The following CBLB variants were observed in gnomAD, a reference collection of about 807,000 sequenced individuals.
CBLB encodes Cbl proto-oncogene B, also known as E3 ubiquitin-protein ligase CBL-B.
CBLB carries 31 observed loss-of-function variants against 104.9 expected under a neutral mutation model. The observed-to-expected ratio is 0.30, with a 90% CI of 0.22 to 0.40. The LOEUF (loss-of-function observed/expected upper bound fraction) is 0.40, where lower values mean the gene tolerates loss of function less well. CBLB is among the 10% of genes least tolerant of loss of function. The pLI is 1.00. For missense variants in CBLB, 1,062 were observed against 1,214.6 expected, an observed-to-expected ratio of 0.87 and a Z score of 1.87; for synonymous variants, 440 against 422.6, an observed-to-expected ratio of 1.04 and a Z score of -0.51.
intron 3 of CBLB, among the ~76,000 whole-genome samples, chr3:105,814,508 C>A (rs72997629): frequency 6.6e-6 from 1 of 151,952 alleles, no homozygotes; most frequent in African/African-American, 2.4e-5. Flanking sequence ...AGGAAAATAG[C>A]GTACATGTAC....
At chr3:105,661,658 A>G (rs968999746) in intron 18 of CBLB, among the ~76,000 whole-genome samples, 11 of 152,212 alleles carry the variant, frequency 7.2e-5, no homozygotes, top group Non-Finnish European at 1.3e-4. Flanking sequence ...AGCTGTGTAT[A>G]CAAGTGGGAT....
chr3:105,708,503 T>C (rs1211862641), intron 10 of CBLB, among the ~76,000 whole-genome samples: 1 of 152,140 alleles, frequency 6.6e-6, no homozygotes, highest in Non-Finnish European at 1.5e-5. Flanking sequence ...ATTTCAAGTA[T>C]GACTATCTAA....
At chr3:105,733,984 A>T in intron 9 of CBLB, 25 bp downstream of exon 9, 1 of 1,608,684 alleles carries the variant, frequency 6.2e-7, no homozygotes. Context: ...TATAAGAAAG[A>T]CATCCATGTT....
intron 9 of CBLB, among the ~76,000 whole-genome samples, chr3:105,722,111 C>T (rs1363547237): frequency 6.9e-5 from 10 of 144,558 alleles, no homozygotes; most frequent in Non-Finnish European, 1.5e-4. Flanking sequence ...GAGCTGGGGG[C>T]TTCGCTTGAG....
At chr3:105,851,481 G>A (rs992590594) in intron 3 of CBLB, among the ~76,000 whole-genome samples, 1 of 152,152 alleles carries the variant, frequency 6.6e-6, no homozygotes, top group Non-Finnish European at 1.5e-5. Context: ...CATTTATGGA[G>A]CATAGAACAG....
At chr3:105,726,709 C>G (rs1000288519) in intron 9 of CBLB, among the ~76,000 whole-genome samples, 5 of 152,136 alleles carry the variant, frequency 3.3e-5, no homozygotes, top group African/African-American at 1.2e-4. Context: ...CCCTTGCCCC[C>G]CAGCCGCTGA....
intron 11 of CBLB, among the ~76,000 whole-genome samples, chr3:105,703,115 T>C (rs995688874): frequency 6.6e-6 from 1 of 152,202 alleles, no homozygotes; most frequent in African/African-American, 2.4e-5. Flanking sequence ...TATAGATCAA[T>C]GAATTGAATG....
chr3:105,819,199 T>A (rs973376857), intron 3 of CBLB, among the ~76,000 whole-genome samples: 1 of 152,084 alleles, frequency 6.6e-6, no homozygotes, highest in Non-Finnish European at 1.5e-5. Flanking sequence ...TCAAAACACA[T>A]AATGAGGCCG....
chr3:105,855,224 C>G (rs1363274040), intron 2 of CBLB, among the ~76,000 whole-genome samples: 1 of 152,016 alleles, frequency 6.6e-6, no homozygotes, highest in African/African-American at 2.4e-5. Context: ...AACAAAGAAA[C>G]AGAGAGTAGA....
chr3:105,780,388 C>G (rs2080047678), intron 3 of CBLB, among the ~76,000 whole-genome samples: 1 of 151,970 alleles, frequency 6.6e-6, no homozygotes, highest in Non-Finnish European at 1.5e-5. Context: ...GAATCTGATA[C>G]TTATGAAGAA....
chr3:105,809,659 GAA>G (rs925095862), intron 3 of CBLB, among the ~76,000 whole-genome samples: 9 of 152,162 alleles, frequency 5.9e-5, no homozygotes, highest in Admixed American at 6.6e-5. Flanking sequence ...AAGTCTGAGA[GAA>G]AGAAATATGT....
At chr3:105,817,291 A>C (rs2085197474) in intron 3 of CBLB, among the ~76,000 whole-genome samples, 1 of 152,198 alleles carries the variant, frequency 6.6e-6, no homozygotes, top group Non-Finnish European at 1.5e-5. Context: ...GAGTAAGGGA[A>C]GGATGAAATA....
chr3:105,812,838 A>G (rs948834075), intron 3 of CBLB, among the ~76,000 whole-genome samples: 1 of 152,174 alleles, frequency 6.6e-6, no homozygotes, highest in African/African-American at 2.4e-5. Flanking sequence ...TGTTTGAAAT[A>G]AAATCAATAT....
At chr3:105,765,149 T>A (rs751713607) in intron 4 of CBLB, among the ~76,000 whole-genome samples, 62 of 152,126 alleles carry the variant, frequency 4.1e-4, no homozygotes, top group Non-Finnish European at 7.1e-4. Flanking sequence ...AAACAACAGA[T>A]AATTAATGTA....
intron 9 of CBLB, among the ~76,000 whole-genome samples, chr3:105,732,127 C>T (rs138283865): frequency 6.6e-6 from 1 of 152,206 alleles, no homozygotes; most frequent in African/African-American, 2.4e-5. Context: ...TAGTTTAACA[C>T]GTATCCTGAA....
At chr3:105,845,568 T>C (rs754095051) in intron 3 of CBLB, among the ~76,000 whole-genome samples, 2 of 151,760 alleles carry the variant, frequency 1.3e-5, no homozygotes, top group Non-Finnish European at 2.9e-5. Context: ...AAAAAAAAAC[T>C]TTCACTTTTC....
intron 4 of CBLB, among the ~76,000 whole-genome samples, chr3:105,773,030 T>C (rs932970013): frequency 6.6e-6 from 1 of 152,162 alleles, no homozygotes; most frequent in South Asian, 2.1e-4. Context: ...AGCAATCCAC[T>C]GCCAGATACC....
intron 2 of CBLB, among the ~76,000 whole-genome samples, chr3:105,863,148 C>T (rs968829165): frequency 1.3e-5 from 2 of 152,178 alleles, no homozygotes; most frequent in Non-Finnish European, 2.9e-5. Flanking sequence ...TGATTAAGGC[C>T]TGCATTATAT....
chr3:105,779,776 G>A lies in CBLB; in HGVS notation c.420-3234C>T, dbSNP rs540256931. Among the ~76,000 whole-genome samples the A allele has an allele frequency of 4.2e-4, 63 of 151,792 alleles. No individual in the cohort carries two copies. The South Asian group carries it at 6.0e-3, about 14-fold the overall frequency. ...AAATACGTTTTCTTTTTTATATGAC[G>A]CTGTGACTTTTTTGTTTACAATGTT... On this transcript the variant is annotated intron_variant, in intron 3 of 18. Transcript: ENST00000394030.
Sources: allele counts gnomAD v4.1 joint callset (sites outside exome capture counted in the v4.1 genomes callset), GRCh38; gene constraint gnomAD v4.1.1; transcripts MANE v1.5; gene names NCBI Gene and HGNC (gene_info 2026-07-23, HGNC 2026-07-21).